Variants in BRCA1 observed in about 807,000 individuals in gnomAD.
BRCA1 encodes the protein breast cancer type 1 susceptibility protein.
Under a neutral mutation model 173.7 loss-of-function variants are expected in BRCA1, and 140 were observed. The ratio of observed to expected loss-of-function variants is 0.81; its 90% CI spans 0.70 to 0.93. The LOEUF is 0.93. Among genes scored for constraint, BRCA1 ranks in the 40% least tolerant of loss-of-function variants. BRCA1 has a pLI of 0.00. For synonymous variants in BRCA1, 662 were observed against 756.0 expected, an observed-to-expected ratio of 0.88 and a Z score of 2.04; for missense variants, 1,983 against 2,172.5, an observed-to-expected ratio of 0.91 and a Z score of 1.73.
In BRCA1 at chr17:43,159,706, G is replaced by A. The variant is rs1004750718; in HGVS notation, c.-20+10420C>T. On this transcript the variant is annotated intron_variant, in intron 1 of 7. Transcript: ENST00000634433. ...AAGTACCCAGGGACACAAACACTGCGGAAGGCCGCAGGGTCCTCTGCCTAG... is the reference window on the plus strand; with the variant it reads ...AAGTACCCAGGGACACAAACACTGCAGAAGGCCGCAGGGTCCTCTGCCTAG... The A allele has an allele frequency of 3.5e-5, 7 of 202,546 alleles. No individual in the cohort carries two copies. The East Asian group carries it at 6.5e-4, about 19-fold the overall frequency. The allele number at this position is 202,546 out of a possible 1,614,324, so 12.5% of individuals were successfully genotyped here. A position where few individuals can be genotyped will look rare whatever the true frequency, so the allele number is the denominator to read the frequency against.
In BRCA1 at chr17:43,047,691, T is replaced by C. The variant is rs786202721; in HGVS notation, c.5419A>G (p.Ile1807Val). The change falls in exon 22 of 23, where the codon ATT becomes GTT. Residue 1807 changes from isoleucine (I) to valine (V), a missense_variant. Ile to Val is a conservative substitution (Grantham distance 29). Coordinates refer to ENST00000357654, the MANE Select transcript of BRCA1 (RefSeq NM_007294.4). ...CAGGCATCTGGCTGCACAACCACAA[T>C]TGGGTGGACACCCTGGATCCCCAGG... is the stretch of plus-strand genomic sequence containing the variant. ...SFTLGTGVHP[I>V]VVVQPDAWTE... is the part of the protein sequence containing the mutation. 4 of 1,614,156 alleles carry C rather than the reference T, an allele frequency of 2.5e-6. No homozygotes were observed. Among genetic ancestry groups the C allele is most frequent in the African/African-American group, 2.7e-5 (2 of 75,040 alleles).
At chr17:43,126,966 C>T (rs1051155706), upstream of BRCA1, among the ~76,000 whole-genome samples, 6 of 152,184 alleles carry the variant, frequency 3.9e-5, no homozygotes, top group Admixed American at 1.3e-4. Context: ...GCACCCGGGC[C>T]AGCAGCTGCA....
intron 1 of BRCA1, chr17:43,167,551 A>C (rs1488984475): frequency 3.9e-5 from 6 of 152,176 alleles, no homozygotes; most frequent in African/African-American, 1.4e-4. Flanking sequence ...CAATCAGGTC[A>C]GGGGTTGATT....
Position 43,092,075 on chromosome 17 carries a change from G to A in BRCA1, c.3456C>T (p.Asp1152=), listed in dbSNP as rs2154314157. The change falls in exon 10 of 23, where the codon GAC becomes GAT. Residue 1152 remains aspartate, a synonymous_variant. Transcript: ENST00000357654. ...CCTTTATTTCACCATCATCTAACAG[G>A]TCATCAGGTGTCTCAGAACAAACCT... ...ASQVCSETPD[D]LLDDGEIKED... 2 of 1,613,966 alleles carry A rather than the reference G, an allele frequency of 1.2e-6. No homozygotes were observed. Among genetic ancestry groups the A allele is most frequent in the East Asian group, 2.2e-5 (1 of 44,884 alleles).
chr17:43,057,148 A>G lies in BRCA1; in HGVS notation c.5194-13T>C, dbSNP rs199527524. 1.2e-6 allele frequency: 2 copies of G among 1,612,392 alleles called. No individual in the cohort carries two copies. Among genetic ancestry groups the G allele is most frequent in the Non-Finnish European group, 1.7e-6 (2 of 1,178,488 alleles). ...CTTCAAAATCATGCTGAAAGAAACC[A>G]AACACAACCCATCAGGATAAGAGAA... On this transcript the variant is annotated splice_polypyrimidine_tract_variant and intron_variant, in intron 18 of 22. Transcript: ENST00000357654.
intron 15 of BRCA1, among the ~76,000 whole-genome samples, chr17:43,068,779 C>G (rs1187063178): frequency 6.6e-6 from 1 of 152,064 alleles, no homozygotes; most frequent in Non-Finnish European, 1.5e-5. Context: ...TTACAAAACA[C>G]TGAAATCAGG....
chr17:43,085,784 G>A (rs1444978984), intron 11 of BRCA1, among the ~76,000 whole-genome samples: 1 of 152,070 alleles, frequency 6.6e-6, no homozygotes, highest in Non-Finnish European at 1.5e-5. Flanking sequence ...AGCCGGAACT[G>A]GTCTGGAGGG....
At chr17:43,106,085 C>T (rs574655080) in intron 4 of BRCA1, among the ~76,000 whole-genome samples, 1 of 149,952 alleles carries the variant, frequency 6.7e-6, no homozygotes, top group Non-Finnish European at 1.5e-5. Context: ...CGCCACTGCA[C>T]TCCAGCCTCA....
chr17:43,111,044 T>C (rs2055011716), intron 3 of BRCA1, among the ~76,000 whole-genome samples: 1 of 148,526 alleles, frequency 6.7e-6, no homozygotes, highest in Admixed American at 6.9e-5. Context: ...GAGGCTGCAG[T>C]GAGCCGAGAT....
chr17:43,105,173 T>G (rs1306198719), intron 4 of BRCA1, among the ~76,000 whole-genome samples: 1 of 152,190 alleles, frequency 6.6e-6, no homozygotes, highest in Non-Finnish European at 1.5e-5. Context: ...TGCCTAAAAT[T>G]ATCTGATATA....
chr17:43,084,706 C>T (rs192405369), intron 11 of BRCA1, among the ~76,000 whole-genome samples: 2 of 152,288 alleles, frequency 1.3e-5, no homozygotes, highest in African/African-American at 4.8e-5. Context: ...AAGGTTTCTA[C>T]TGCTACTCTA....
chr17:43,070,321 C>T (rs1041620471), intron 15 of BRCA1, among the ~76,000 whole-genome samples: 17 of 151,906 alleles, frequency 1.1e-4, no homozygotes, highest in African/African-American at 3.6e-4. Flanking sequence ...CCACAAATAG[C>T]CCAAGCAGAA....
In BRCA1 at chr17:43,105,884, A is replaced by G. The variant is rs576621034; in HGVS notation, c.212+572T>C. Among the ~76,000 whole-genome samples, 3 of 152,250 alleles carry G rather than the reference A, an allele frequency of 2.0e-5. No individual in the cohort carries two copies. The East Asian group carries it at 5.8e-4, about 29-fold the overall frequency. On this transcript the variant is annotated intron_variant, in intron 4 of 22. Transcript: ENST00000357654. ...TAAACACACACCTGTGAACCCCAGC[A>G]CTTTGGGAGGCCGAGGTGGGCAGAT...
chr17:43,123,137 G>A (rs542163374), intron 2 of BRCA1, among the ~76,000 whole-genome samples: 120 of 151,884 alleles, frequency 7.9e-4, no homozygotes, highest in Non-Finnish European at 7.5e-4. Context: ...AGGCTGAGGT[G>A]GGAGGATTGC....
At chr17:43,123,115 C>T (rs1282022364) in intron 2 of BRCA1, among the ~76,000 whole-genome samples, 2 of 151,792 alleles carry the variant, frequency 1.3e-5, no homozygotes, top group African/African-American at 4.8e-5. Flanking sequence ...CCTATCGTCC[C>T]TGCTACTCTG....
chr17:43,149,621 G>A lies in BRCA1; in HGVS notation c.-20+20505C>T, dbSNP rs1464151925. 2.0e-5 allele frequency among the ~76,000 whole-genome samples: 3 copies of A among 152,192 alleles called. No homozygotes were observed. In the East Asian group the frequency reaches 5.8e-4, roughly 29 times the overall value. ...CTACATTTCAGAAGCTGGAAAGAAA[G>A]AGAGTGGTCTACTTGATGATATGAA... is the stretch of plus-strand genomic sequence containing the variant. On this transcript the variant is annotated intron_variant, in intron 1 of 7. Coordinates refer to the BRCA1 transcript ENST00000634433.
chr17:43,143,474 TG>T (rs2056094276), intron 1 of BRCA1, among the ~76,000 whole-genome samples: 1 of 152,090 alleles, frequency 6.6e-6, no homozygotes, highest in African/African-American at 2.4e-5. Context: ...GCTCCTGGGA[TG>T]GGGGTGCTGC....
At chr17:43,106,237 A>G (rs954292208) in intron 4 of BRCA1, among the ~76,000 whole-genome samples, 3 of 152,180 alleles carry the variant, frequency 2.0e-5, no homozygotes, top group Non-Finnish European at 2.9e-5. Context: ...TTTACACTAG[A>G]AGCATTAGAG....
chr17:43,090,886 C>T (rs1027122868), intron 11 of BRCA1, 58 bp downstream of exon 11: 2 of 1,448,228 alleles, frequency 1.4e-6, no homozygotes, highest in South Asian at 1.2e-5. Context: ...GGGATACATA[C>T]TACTGAATGC....
Sources: gnomAD v4.1 joint callset for allele counts (sites outside exome capture counted in the v4.1 genomes callset) on GRCh38, gnomAD v4.1.1 for gene constraint, MANE v1.5 for transcripts, NCBI Gene and HGNC (gene_info 2026-07-23, HGNC 2026-07-21) for gene names.